The following VWCE variants were observed in gnomAD, a reference collection of about 807,000 sequenced individuals.
VWCE encodes von Willebrand factor C and EGF domains.
Under a neutral mutation model 102.9 loss-of-function variants are expected in VWCE, and 68 were observed. The ratio of observed to expected loss-of-function variants is 0.66; its 90% confidence interval spans 0.54 to 0.81. VWCE has a LOEUF of 0.81. Ranked by LOEUF, VWCE falls within the 30% of genes least tolerant of loss-of-function variation. VWCE has a pLI of 0.00. For missense variants in VWCE, 1,137 were observed against 1,263.6 expected (o/e 0.90, Z 1.52); for synonymous variants, 497 against 515.4 (o/e 0.96, Z 0.48).
chr11:61,261,133 T>C (rs1379065036), intron 19 of VWCE, among the ~76,000 whole-genome samples: 5 of 151,532 alleles, frequency 3.3e-5, no homozygotes, highest in Admixed American at 2.0e-4. Context: ...GGCAGGAGAG[T>C]TGCTGGAAAC....
rs572648278 is a variant in VWCE, at chr11:61,288,840, T to C, written c.424+1959A>G. Among the ~76,000 whole-genome samples the C allele has an allele frequency of 1.4e-3, 173 of 122,854 alleles. 1 individual carries two copies. Among genetic ancestry groups the C allele is most frequent in the Middle Eastern group, 0.012 (3 of 254 alleles). 80.6% of individuals were successfully genotyped at this position (122,854 alleles called of 152,430 possible). A position where few individuals can be genotyped will look rare whatever the true frequency, so the allele number is the denominator to read the frequency against. On this transcript the variant is annotated intron_variant, in intron 4 of 19. Coordinates refer to ENST00000335613, the MANE Select transcript of VWCE (RefSeq NM_152718.2). ...TGACAGGAAGCCTCTTTATGGCGCG[T>C]TTTTTTTTTTTTTTTTGAGACGGAA...
At chr11:61,270,192 T>C (rs1854640863) in intron 14 of VWCE, among the ~76,000 whole-genome samples, 2 of 152,336 alleles carry the variant, frequency 1.3e-5, no homozygotes, top group South Asian at 2.1e-4. Flanking sequence ...GCGTTGGGAT[T>C]ACAGGCGTGA....
intron 19 of VWCE, among the ~76,000 whole-genome samples, chr11:61,260,376 C>T (rs1210808906): frequency 1.3e-5 from 2 of 152,182 alleles, no homozygotes; most frequent in African/African-American, 4.8e-5. Context: ...TGGGCTCAAG[C>T]GATCCTCCCA....
chr11:61,274,590 G>A lies in VWCE; in HGVS notation c.1496-6C>T. The stretch of plus-strand genomic sequence containing the variant: ...GCCGTGGAAATAGCATCTCACTGCA[G>A]AGGAGAAAGGGAGAAGCAACTCAAG... On this transcript the variant is annotated splice_region_variant and splice_polypyrimidine_tract_variant and intron_variant, in intron 11 of 19. Coordinates refer to ENST00000335613, the MANE Select transcript of VWCE (RefSeq NM_152718.2). 6.2e-7 allele frequency: 1 copy of A among 1,613,584 alleles called. No homozygotes were observed. Among genetic ancestry groups the A allele is most frequent in the Non-Finnish European group, 8.5e-7 (1 of 1,179,740 alleles).
At chr11:61,268,647 A>G (rs1854581449) in intron 15 of VWCE, among the ~76,000 whole-genome samples, 1 of 152,228 alleles carries the variant, frequency 6.6e-6, no homozygotes, top group Non-Finnish European at 1.5e-5. Flanking sequence ...TGACTGTTAA[A>G]ACTTCTCTCC....
rs533317996 is a variant in VWCE, at chr11:61,294,647, G to A, written c.110+281C>T. On this transcript the variant is annotated intron_variant, in intron 1 of 19. Coordinates refer to ENST00000335613, the MANE Select transcript of VWCE (RefSeq NM_152718.2). This position sits in a 1 kb window ranked among gnomAD's most constrained non-coding sequence, Gnocchi z 6.3. ...CCTGGGCTCCCCTCTCCAGAGGTCC[G>A]CGCTCCAGGGCACATTAGGAGTCAC... Among the ~76,000 whole-genome samples, 7 of 152,238 alleles carry A rather than the reference G, an allele frequency of 4.6e-5. No homozygotes were observed. Among genetic ancestry groups the A allele is most frequent in the African/African-American group, 1.7e-4 (7 of 41,560 alleles).
intron 10 of VWCE, 144 bp from the exon 11 acceptor site, chr11:61,276,824 C>A (rs1327490148): frequency 2.5e-5 from 4 of 162,946 alleles, no homozygotes; most frequent in Non-Finnish European, 3.1e-5. Context: ...GCCTGGGCAA[C>A]AAAATGAGAT....
rs773204669 is a variant in VWCE at position 61,278,528 on chromosome 11, A to G, written c.1325-52T>C. On this transcript the variant is annotated intron_variant, in intron 9 of 19. Coordinates refer to ENST00000335613, the MANE Select transcript of VWCE (RefSeq NM_152718.2). Reference sequence around the variant, plus strand: ...GCATCAGACCTCTTCAAAGAAGAGGAAACTTGAGGTCTCGCTGCTTCTCCA... The same window carrying G: ...GCATCAGACCTCTTCAAAGAAGAGGGAACTTGAGGTCTCGCTGCTTCTCCA... 4 of 1,546,680 alleles carry G rather than the reference A, an allele frequency of 2.6e-6. No individual in the cohort carries two copies. The African/African-American group carries it at 5.4e-5, about 21-fold the overall frequency.
chr11:61,286,539 A>C, intron 4 of VWCE, 109 bp from the exon 5 acceptor site: 1 of 1,011,950 alleles, frequency 9.9e-7, no homozygotes, highest in Non-Finnish European at 1.5e-6. Context: ...ATGGTGGCTC[A>C]CGCCTGTAAT....
intron 6 of VWCE, 54 bp downstream of exon 6, chr11:61,282,735 A>G: frequency 1.4e-6 from 2 of 1,451,408 alleles, no homozygotes; most frequent in Non-Finnish European, 9.7e-7. Flanking sequence ...CTCCCTGTCC[A>G]TCCTCCTGAT....
rs1855637777 is a variant in VWCE, at chr11:61,295,204, G to A, written c.-167C>T. The A allele has an allele frequency of 5.0e-6, 2 of 403,198 alleles. No homozygotes were observed. The highest frequency in any genetic ancestry group is 8.5e-6 in the Non-Finnish European group (2 of 234,040). The allele number at this position is 403,198 out of a possible 1,614,324, so 25.0% of individuals were successfully genotyped here. A position where few individuals can be genotyped will look rare whatever the true frequency, so the allele number is the denominator to read the frequency against. On this transcript the variant is annotated 5_prime_UTR_variant, in exon 1 of 20. Transcript: ENST00000335613. This position sits in a 1 kb window ranked among gnomAD's most constrained non-coding sequence, Gnocchi z 4.6. ...GGGGCTTGGGACGCCGAGAGGAGGG[G>A]CCGAGGGCCGCGAGGGGACGCGGCG...
At chr11:61,291,071 AGCTGT>A in intron 3 of VWCE, 144 bp from the exon 4 acceptor site, 1 of 1,370,784 alleles carries the variant, frequency 7.3e-7, no homozygotes, top group South Asian at 1.5e-5. Flanking sequence ...GCCATTTACC[AGCTGT>A]GTGACCCCGG....
At chr11:61,276,806 GCACCC>G in intron 10 of VWCE, 126 bp from the exon 11 acceptor site, 1 of 396,908 alleles carries the variant, frequency 2.5e-6, no homozygotes, top group Non-Finnish European at 3.9e-6. Flanking sequence ...TTTAAAGGCT[GCACCC>G]CAGCCTGGGC....
chr11:61,269,876 C>A (rs897461906), intron 14 of VWCE, among the ~76,000 whole-genome samples: 1 of 151,824 alleles, frequency 6.6e-6, no homozygotes, highest in Non-Finnish European at 1.5e-5. Flanking sequence ...AAGGACTTTC[C>A]TCCCAACTCT....
chr11:61,263,947 C>T (rs935359798), intron 19 of VWCE, among the ~76,000 whole-genome samples: 7 of 151,284 alleles, frequency 4.6e-5, no homozygotes, highest in African/African-American at 1.7e-4. Context: ...GAGTGCAGGC[C>T]GGGCGCAGTG....
rs530169392 is a variant in VWCE at position 61,271,549 on chromosome 11, G to A, written c.1785+126C>T. 1.2e-4 allele frequency: 99 copies of A among 832,632 alleles called. 1 individual carries two copies. The South Asian group carries it at 1.4e-3, about 12-fold the overall frequency. The allele number at this position is 832,632 out of a possible 1,614,324, so 51.6% of individuals were successfully genotyped here. ...AACCCTTTTTGTGAAAGTGGAACTT[G>A]ACAGCACCGGAGGGAGACTGCGGCC... On this transcript the variant is annotated intron_variant, in intron 14 of 19. Coordinates refer to ENST00000335613, the MANE Select transcript of VWCE (RefSeq NM_152718.2).
chr11:61,264,838 G>A (rs566031016), intron 18 of VWCE, 118 bp downstream of exon 18: 84 of 1,148,592 alleles, frequency 7.3e-5, no homozygotes, highest in African/African-American at 3.8e-4. Flanking sequence ...AATTAAAGGC[G>A]GAGGATGGCA....
At chr11:61,270,464 T>C (rs1296043933) in intron 14 of VWCE, among the ~76,000 whole-genome samples, 1 of 152,208 alleles carries the variant, frequency 6.6e-6, no homozygotes, top group African/African-American at 2.4e-5. Flanking sequence ...CCAGCATGTA[T>C]TAGATTGGTG....
intron 11 of VWCE, among the ~76,000 whole-genome samples, 171 bp from the exon 12 acceptor site, chr11:61,274,755 C>A (rs1854852450): frequency 6.6e-6 from 1 of 152,156 alleles, no homozygotes; most frequent in Admixed American, 6.5e-5. Flanking sequence ...AAACCCCAGA[C>A]ACAAAACAAG....
Sources: gnomAD v4.1 joint callset for allele counts (sites outside exome capture counted in the v4.1 genomes callset) on GRCh38, gnomAD v4.1.1 for gene constraint, Gnocchi (gnomAD v3.1) non-coding constraint, MANE v1.5 for transcripts, NCBI Gene and HGNC (gene_info 2026-07-23, HGNC 2026-07-21) for gene names.